The following GFRAL variants were observed in gnomAD, a reference collection of about 807,000 sequenced individuals.
The protein encoded by GFRAL is GDNF family receptor alpha-like.
Under a neutral mutation model 45.4 loss-of-function variants are expected in GFRAL, and 36 were observed. The observed-to-expected ratio is 0.79, with a 90% CI of 0.61 to 1.05. The LOEUF is 1.05. Ranked by LOEUF, GFRAL falls within the 50% of genes least tolerant of loss-of-function variation. GFRAL has a pLI of 0.00. For synonymous variants in GFRAL, 166 were observed against 154.1 expected, an observed-to-expected ratio of 1.08 and a Z score of -0.57; for missense variants, 507 against 467.5, an observed-to-expected ratio of 1.08 and a Z score of -0.78.
chr6:55,359,965 A>G (rs1199563612), intron 6 of GFRAL, among the ~76,000 whole-genome samples: 2 of 152,130 alleles, frequency 1.3e-5, no homozygotes, highest in African/African-American at 4.8e-5. Flanking sequence ...TCACTCTTCA[A>G]TTTAGTTTTT....
intron 6 of GFRAL, among the ~76,000 whole-genome samples, chr6:55,373,102 A>T (rs1768474024): frequency 6.6e-6 from 1 of 151,468 alleles, no homozygotes; most frequent in South Asian, 2.1e-4. Flanking sequence ...AAAAAAAAAA[A>T]CTTCTATTCA....
intron 8 of GFRAL, among the ~76,000 whole-genome samples, chr6:55,400,418 A>C (rs1485188202): frequency 6.6e-6 from 1 of 152,136 alleles, no homozygotes; most frequent in Middle Eastern, 3.2e-3. Flanking sequence ...AATACATATA[A>C]ACATATCTTG....
In GFRAL at chr6:55,351,290, G is replaced by A. The variant is rs538104435; in HGVS notation, c.408G>A (p.Glu136=). The change falls in exon 5 of 9, where the codon GAG becomes GAA. Residue 136 remains glutamate, a synonymous_variant. Transcript: ENST00000340465. ...TGTGGTCCTGTTTGGAAGTGGCAGA[G>A]GCATGTGTAGGGGATGTGGTCTGTA... is the stretch of plus-strand genomic sequence containing the variant. ...KGMWSCLEVA[E]ACVGDVVCNA... is the part of the protein sequence containing the mutation. 2 of 1,607,482 alleles carry A rather than the reference G, an allele frequency of 1.2e-6. No homozygotes were observed. Among genetic ancestry groups the A allele is most frequent in the South Asian group, 1.1e-5 (1 of 90,580 alleles).
chr6:55,343,576 G>A (rs1048380354), intron 3 of GFRAL, among the ~76,000 whole-genome samples: 1 of 152,132 alleles, frequency 6.6e-6, no homozygotes, highest in Admixed American at 6.5e-5. Flanking sequence ...AAGAAAGCAG[G>A]AAAGATCTAA....
chr6:55,346,554 A>AG (rs1554187908), intron 3 of GFRAL, among the ~76,000 whole-genome samples: 1 of 151,538 alleles, frequency 6.6e-6, no homozygotes, highest in Non-Finnish European at 1.5e-5. Flanking sequence ...GGGTGGTAGG[A>AG]GGGGGGAGGG....
chr6:55,388,836 C>T (rs1033055069), intron 6 of GFRAL, among the ~76,000 whole-genome samples: 4 of 152,102 alleles, frequency 2.6e-5, no homozygotes, highest in African/African-American at 9.7e-5. Flanking sequence ...GTCATTATGT[C>T]TGGTTCTTCT....
At chr6:55,385,941 G>A (rs143977737) in intron 6 of GFRAL, among the ~76,000 whole-genome samples, 4 of 152,154 alleles carry the variant, frequency 2.6e-5, no homozygotes, top group Non-Finnish European at 5.9e-5. Context: ...CTTGGATTAG[G>A]TAACTGAGGC....
At chr6:55,378,678 A>G (rs1195060119) in intron 6 of GFRAL, among the ~76,000 whole-genome samples, 1 of 151,194 alleles carries the variant, frequency 6.6e-6, no homozygotes, top group African/African-American at 2.4e-5. Context: ...CCTTTTCTAC[A>G]GTCTTCCAAG....
intron 5 of GFRAL, among the ~76,000 whole-genome samples, chr6:55,353,959 C>A (rs2127355972): frequency 6.6e-6 from 1 of 152,042 alleles, no homozygotes; most frequent in South Asian, 2.1e-4. Context: ...ACAATGAAAC[C>A]TAATAATATT....
intron 3 of GFRAL, 55 bp downstream of exon 3, chr6:55,333,999 CA>C (rs1767862424): frequency 9.9e-7 from 1 of 1,007,376 alleles, no homozygotes; most frequent in Non-Finnish European, 1.4e-6. Flanking sequence ...GCAACAATTT[CA>C]AAATTAACCA....
chr6:55,359,236 T>G, intron 6 of GFRAL, 98 bp downstream of exon 6: 1 of 947,268 alleles, frequency 1.1e-6, no homozygotes, highest in Non-Finnish European at 1.5e-6. Flanking sequence ...AAAGAGGTAA[T>G]CCAGCACAGA....
Position 55,358,995 on chromosome 6 carries a change from C to T in GFRAL, c.809C>T (p.Ser270Leu), listed in dbSNP as rs1185442625. Residue 270 changes from serine (S) to leucine (L), a missense_variant, in exon 6 of 9, where the codon TCA becomes TTA. Transcript: ENST00000340465. ...TTAAGCAAACAGGACCTCACTTGTT[C>T]AGGAAGTGATGACTGCAAAGCTGCT... is the stretch of plus-strand genomic sequence containing the variant. ...STLSKQDLTC[S>L]GSDDCKAAYI... The T allele has an allele frequency of 6.2e-7, 1 of 1,613,078 alleles. No individual in the cohort carries two copies. The highest frequency in any genetic ancestry group is 1.7e-5 in the Admixed American group (1 of 59,858).
intron 6 of GFRAL, among the ~76,000 whole-genome samples, chr6:55,367,380 C>G (rs1768379516): frequency 7.0e-6 from 1 of 143,664 alleles, no homozygotes. Flanking sequence ...GCTGATGGGT[C>G]TTGACTCTTG....
At chr6:55,391,493 G>C (rs563987608) in intron 6 of GFRAL, among the ~76,000 whole-genome samples, 1 of 152,200 alleles carries the variant, frequency 6.6e-6, no homozygotes, top group Non-Finnish European at 1.5e-5. Flanking sequence ...GCTCATCCAT[G>C]TAATCCTAGA....
intron 6 of GFRAL, among the ~76,000 whole-genome samples, chr6:55,396,248 T>G (rs1768823138): frequency 6.6e-6 from 1 of 152,212 alleles, no homozygotes; most frequent in South Asian, 2.1e-4. Flanking sequence ...TAGCTAACAT[T>G]TCTGTCACTG....
intron 6 of GFRAL, among the ~76,000 whole-genome samples, chr6:55,364,176 C>A (rs1279622445): frequency 2.0e-5 from 3 of 151,092 alleles, no homozygotes; most frequent in Non-Finnish European, 4.4e-5. Flanking sequence ...ATTTGCATTT[C>A]TCTGACGGCC....
chr6:55,348,628 G>C (rs1768076101), intron 3 of GFRAL, among the ~76,000 whole-genome samples: 1 of 152,052 alleles, frequency 6.6e-6, no homozygotes, highest in South Asian at 2.1e-4. Flanking sequence ...TTTCTTCAGT[G>C]AGTACTCCAG....
At chr6:55,358,025 T>C (rs1024969263) in intron 5 of GFRAL, among the ~76,000 whole-genome samples, 1 of 151,784 alleles carries the variant, frequency 6.6e-6, no homozygotes, top group Non-Finnish European at 1.5e-5. Context: ...TATTATAAAT[T>C]TAATATACAT....
chr6:55,348,768 G>A (rs1052375716), intron 3 of GFRAL, among the ~76,000 whole-genome samples: 1 of 152,030 alleles, frequency 6.6e-6, no homozygotes, highest in Non-Finnish European at 1.5e-5. Flanking sequence ...GGAGATTATG[G>A]CTCCAACTTA....
Sources: allele counts gnomAD v4.1 joint callset (sites outside exome capture counted in the v4.1 genomes callset), GRCh38; gene constraint gnomAD v4.1.1; transcripts MANE v1.5; gene names NCBI Gene and HGNC (gene_info 2026-07-23, HGNC 2026-07-21).